The following DAG1 variants were observed in gnomAD, a reference collection of about 807,000 sequenced individuals.
The protein encoded by DAG1 is dystroglycan 1, also known as dystroglycan 1 (dystrophin-associated glycoprotein 1).
A neutral mutation model predicts 46.1 loss-of-function variants in DAG1; 8 were observed. That is an observed-to-expected ratio of 0.17 (90% CI 0.10 to 0.31). The LOEUF (loss-of-function observed/expected upper bound fraction) is 0.31, where lower values mean the gene tolerates loss of function less well. DAG1 is among the 10% of genes least tolerant of loss of function. The pLI is 1.00. For synonymous variants in DAG1, 495 were observed against 481.8 expected, an observed-to-expected ratio of 1.03 and a Z score of -0.36; for missense variants, 1,003 against 1,189.9, an observed-to-expected ratio of 0.84 and a Z score of 2.31.
At chr3:49,521,821 G>C (rs2051033978) in intron 2 of DAG1, among the ~76,000 whole-genome samples, 1 of 151,728 alleles carries the variant, frequency 6.6e-6, no homozygotes, top group Non-Finnish European at 1.5e-5. Context: ...ATTGGTCATG[G>C]TGATTTATTG....
intron 2 of DAG1, among the ~76,000 whole-genome samples, chr3:49,529,658 T>A (rs1318233497): frequency 2.0e-5 from 3 of 152,344 alleles, no homozygotes; most frequent in East Asian, 3.9e-4. Context: ...TTGGCCAATT[T>A]GTCTCTGGTA....
chr3:49,493,078 T>C (rs1243155748), intron 1 of DAG1: 3 of 131,314 alleles, frequency 2.3e-5, no homozygotes, highest in Non-Finnish European at 4.7e-5. Context: ...AGGGTCTTGC[T>C]CAGTCACCCA....
intron 1 of DAG1, among the ~76,000 whole-genome samples, chr3:49,496,274 G>A (rs1448601192): frequency 6.6e-6 from 1 of 151,810 alleles, no homozygotes; most frequent in Admixed American, 6.6e-5. Context: ...CCAGGCTCAA[G>A]CAGTCCTCCC....
chr3:49,521,240 T>C (rs1344055749), intron 2 of DAG1, among the ~76,000 whole-genome samples: 1 of 152,068 alleles, frequency 6.6e-6, no homozygotes. Context: ...CTCGGCTCAC[T>C]GCAAGCTCCG....
intron 1 of DAG1, chr3:49,470,707 C>T (rs2049494182): frequency 6.6e-6 from 1 of 152,246 alleles, no homozygotes; most frequent in South Asian, 2.1e-4. Context: ...GGCCCGCGCT[C>T]CCGGGAACGT....
At chr3:49,499,492 A>G (rs1377427410) in intron 1 of DAG1, among the ~76,000 whole-genome samples, 3 of 152,248 alleles carry the variant, frequency 2.0e-5, no homozygotes, top group African/African-American at 7.2e-5. Context: ...CATTAAGTTT[A>G]TGGCAAATTG....
In DAG1 at chr3:49,530,092, C is replaced by G. The variant is rs890973686; in HGVS notation, c.286-705C>G. 3.3e-5 allele frequency among the ~76,000 whole-genome samples: 5 copies of G among 152,192 alleles called. No homozygotes were observed. In the East Asian group the frequency reaches 9.6e-4, roughly 29 times the overall value. On this transcript the variant is annotated intron_variant, in intron 2 of 2. Transcript: ENST00000308775. ...CTCCTTGGGATTCCTTTAGTAAGCACTATTCTAGAATAGTTGATTCTAGTC... is the reference window on the plus strand; with the variant it reads ...CTCCTTGGGATTCCTTTAGTAAGCAGTATTCTAGAATAGTTGATTCTAGTC...
intron 1 of DAG1, among the ~76,000 whole-genome samples, chr3:49,487,910 G>A (rs982982938): frequency 6.6e-6 from 1 of 151,820 alleles, no homozygotes; most frequent in African/African-American, 2.4e-5. Context: ...CACCATGTTA[G>A]CCAGGATGGT....
At chr3:49,469,089 ATC>A (rs2049444920), upstream of DAG1, 1 of 152,144 alleles carries the variant, frequency 6.6e-6, no homozygotes, top group African/African-American at 2.4e-5. Flanking sequence ...TTCCTTTCTT[ATC>A]TCTGCAACTT....
intron 1 of DAG1, among the ~76,000 whole-genome samples, chr3:49,491,154 C>T (rs887317081): frequency 8.6e-5 from 13 of 151,648 alleles, no homozygotes; most frequent in Non-Finnish European, 1.5e-4. Context: ...AAAGTACAGG[C>T]GTGAGCCACC....
chr3:49,495,203 G>A (rs953325219), intron 1 of DAG1, among the ~76,000 whole-genome samples: 3 of 152,218 alleles, frequency 2.0e-5, no homozygotes, highest in Non-Finnish European at 4.4e-5. Context: ...GGATGGGATA[G>A]CCAGGGGGAG....
intron 2 of DAG1, among the ~76,000 whole-genome samples, chr3:49,521,759 TC>T (rs1013937486): frequency 6.6e-6 from 1 of 152,198 alleles, no homozygotes; most frequent in Non-Finnish European, 1.5e-5. Flanking sequence ...GGAGGGAGTG[TC>T]CCAGAGACTG....
rs1384132524 is a variant in DAG1, at chr3:49,530,869, C to T, written c.358C>T (p.Leu120Phe). 1.2e-6 allele frequency: 2 copies of T among 1,614,176 alleles called. No individual in the cohort carries two copies. The highest frequency in any genetic ancestry group is 1.1e-5 in the South Asian group (1 of 91,088). ...CTCACAGAGCCACACCCTGGAGGGC[C>T]TCCCCCTTGACACTGATAAGGGTGT... Reference protein sequence around the residue: ...WDSQSHTLEGLPLDTDKGVHY... With the variant: ...WDSQSHTLEGFPLDTDKGVHY... The change falls in exon 3 of 3, where the codon CTC (leucine) becomes TTC (phenylalanine). Residue 120 changes from leucine (L) to phenylalanine (F), a missense_variant. Around this residue, in one of 3 missense-constraint regions of DAG1, gnomAD observed 196 missense variants for 239.1 expected, o/e 0.82. Transcript: ENST00000308775.
At chr3:49,502,278 C>A (rs993757378) in intron 1 of DAG1, among the ~76,000 whole-genome samples, 1 of 152,216 alleles carries the variant, frequency 6.6e-6, no homozygotes, top group Non-Finnish European at 1.5e-5. Flanking sequence ...GAAGGAGTTC[C>A]TGGTGGAGGA....
chr3:49,490,880 C>CTTTTTTTTTTT (rs972440561), intron 1 of DAG1, among the ~76,000 whole-genome samples: 1 of 87,848 alleles, frequency 1.1e-5, no homozygotes. Context: ...CTCCTAAATT[C>CTTTTTTTTTTT]TTTTTTTTTT....
Position 49,532,526 on chromosome 3 carries a change from A to G in DAG1, c.2015A>G (p.Glu672Gly). The G allele has an allele frequency of 6.2e-7, 1 of 1,614,068 alleles. No homozygotes were observed. Among genetic ancestry groups the G allele is most frequent in the African/African-American group, 1.3e-5 (1 of 75,064 alleles). Residue 672 changes from glutamate (E) to glycine (G), a missense_variant, in exon 3 of 3, where the codon GAG becomes GGG. Physicochemically the swap from Glu to Gly is moderately conservative, Grantham distance 98 (BLOSUM62 -2). This residue lies in a region of DAG1 where 755 missense variants were observed against 854.1 expected (regional missense o/e 0.88). Transcript: ENST00000308775. The surrounding 1 kb of genome is among the most constrained non-coding windows in gnomAD (Gnocchi z 5.4). The stretch of plus-strand genomic sequence containing the variant: ...CTGCCCTTGGAGCCCTGCCCCAAGG[A>G]GCAGATCGCTGGGCTGAGCCGCCGG... ...NTLPLEPCPK[E>G]QIAGLSRRIA...
intron 2 of DAG1, among the ~76,000 whole-genome samples, chr3:49,518,949 C>T (rs2050963460): frequency 6.6e-6 from 1 of 152,220 alleles, no homozygotes; most frequent in Admixed American, 6.5e-5. Flanking sequence ...ATACAAAGCT[C>T]AGCCCAGCTC....
chr3:49,532,856 A>G lies in DAG1; in HGVS notation c.2345A>G (p.Lys782Arg). 6.2e-7 allele frequency: 1 copy of G among 1,614,120 alleles called. No homozygotes were observed. Among genetic ancestry groups the G allele is most frequent in the Non-Finnish European group, 8.5e-7 (1 of 1,180,018 alleles). ...TGCTACCGCAAGAAGCGGAAGGGCA[A>G]GCTTACCCTTGAGGACCAGGCCACC... ...MICYRKKRKG[K>R]LTLEDQATFI... The change falls in exon 3 of 3, where the codon AAG (lysine) becomes AGG (arginine). Residue 782 changes from lysine to arginine, a missense_variant. Physicochemically the swap from Lys to Arg is conservative, Grantham distance 26. Coordinates refer to ENST00000308775, the MANE Select transcript of DAG1 (RefSeq NM_004393.6). The surrounding 1 kb of genome is among the most constrained non-coding windows in gnomAD (Gnocchi z 5.4).
At chr3:49,472,280 G>T (rs375801675) in intron 1 of DAG1, among the ~76,000 whole-genome samples, 3 of 151,998 alleles carry the variant, frequency 2.0e-5, no homozygotes, top group Non-Finnish European at 4.4e-5. Flanking sequence ...GACTGAAAAG[G>T]TAGTACAGAG....
Sources: allele counts gnomAD v4.1 joint callset (sites outside exome capture counted in the v4.1 genomes callset), GRCh38; gene constraint gnomAD v4.1.1; regional missense constraint gnomAD v4.1.1; non-coding constraint Gnocchi (gnomAD v3.1); transcripts MANE v1.5; gene names NCBI Gene and HGNC (gene_info 2026-07-23, HGNC 2026-07-21).